Variants in PTPRD observed in about 807,000 individuals in gnomAD.
PTPRD encodes the protein protein tyrosine phosphatase receptor type D.
PTPRD carries 34 observed loss-of-function variants against 214.5 expected under a neutral mutation model. That is an observed-to-expected ratio of 0.16 (90% CI 0.12 to 0.21). The LOEUF (loss-of-function observed/expected upper bound fraction) is 0.21, where lower values mean the gene tolerates loss of function less well. Among genes scored for constraint, PTPRD ranks in the 10% least tolerant of loss-of-function variants. The probability of loss-of-function intolerance (pLI) is 1.00; values close to 1 mark genes in which losing one functional copy is unlikely to be tolerated. For synonymous variants in PTPRD, 1,128 were observed against 845.7 expected (o/e 1.33, Z -5.79); for missense variants, 2,545 against 2,398.7 (o/e 1.06, Z -1.27).
intron 10 of PTPRD, among the ~76,000 whole-genome samples, chr9:9,025,334 G>A (rs2099583440): frequency 6.6e-6 from 1 of 151,968 alleles, no homozygotes. Flanking sequence ...CTGATAAGCT[G>A]ACCAATGCTT....
intron 3 of PTPRD, among the ~76,000 whole-genome samples, chr9:10,263,204 G>A (rs934214123): frequency 2.4e-4 from 37 of 152,172 alleles, no homozygotes; most frequent in African/African-American, 8.4e-4. Context: ...GGTACCAGTA[G>A]AATAGGGTGT....
intron 12 of PTPRD, among the ~76,000 whole-genome samples, chr9:8,683,862 C>A (rs140438701): frequency 1.4e-4 from 22 of 152,286 alleles, no homozygotes; most frequent in Non-Finnish European, 2.4e-4. Context: ...TGGGCTAAGA[C>A]GTAAGGGTTC....
chr9:8,411,869 T>C (rs2093561007), intron 35 of PTPRD, among the ~76,000 whole-genome samples: 1 of 152,228 alleles, frequency 6.6e-6, no homozygotes, highest in Non-Finnish European at 1.5e-5. Context: ...AAGAATAGAA[T>C]GTGTCATTGG....
intron 23 of PTPRD, 133 bp downstream of exon 23, chr9:8,504,128 A>G (rs2097485815): frequency 4.8e-6 from 4 of 835,534 alleles, no homozygotes; most frequent in Non-Finnish European, 7.6e-6. Context: ...TTCACCTGTG[A>G]AGTGTGATGC....
rs188417976 is a variant in PTPRD, at chr9:10,603,396, A to G, written c.-600+9002T>C. 6.6e-4 allele frequency among the ~76,000 whole-genome samples: 100 copies of G among 151,992 alleles called. 1 individual carries two copies. The highest frequency in any genetic ancestry group is 2.4e-3 in the African/African-American group (98 of 41,510). ...CATTCACATTTGTGATCATTTACTT[A>G]TGATAACTTGTGCTCACTTCATTTG... On this transcript the variant is annotated intron_variant, in intron 2 of 45. Coordinates refer to ENST00000381196, the MANE Select transcript of PTPRD (RefSeq NM_002839.4).
At chr9:9,528,151 G>C (rs1308465763) in intron 8 of PTPRD, among the ~76,000 whole-genome samples, 1 of 152,206 alleles carries the variant, frequency 6.6e-6, no homozygotes, top group African/African-American at 2.4e-5. Flanking sequence ...AGAGAGAGGA[G>C]TAAGCTGCAG....
chr9:8,545,924 C>T (rs780310326), intron 14 of PTPRD, among the ~76,000 whole-genome samples: 3 of 152,172 alleles, frequency 2.0e-5, no homozygotes, highest in Non-Finnish European at 4.4e-5. Flanking sequence ...TCTAGCTAAA[C>T]GTAGAAGTGC....
chr9:8,332,205 A>G (rs746364678), intron 43 of PTPRD, among the ~76,000 whole-genome samples: 2 of 152,080 alleles, frequency 1.3e-5, no homozygotes. Context: ...TCCAGACCAG[A>G]GCTTTTGCAG....
intron 10 of PTPRD, among the ~76,000 whole-genome samples, chr9:9,034,694 C>T (rs76756890): frequency 6.6e-6 from 1 of 152,072 alleles, no homozygotes; most frequent in Non-Finnish European, 1.5e-5. Context: ...CACATCACAG[C>T]TCCCCATTTA....
chr9:9,007,811 T>TC (rs1567554474), intron 11 of PTPRD, among the ~76,000 whole-genome samples: 1 of 149,740 alleles, frequency 6.7e-6, no homozygotes, highest in East Asian at 2.0e-4. Context: ...TTTTTTTTTT[T>TC]ACACCATAAA....
At chr9:9,354,355 C>T (rs1263356738) in intron 9 of PTPRD, among the ~76,000 whole-genome samples, 1 of 151,788 alleles carries the variant, frequency 6.6e-6, no homozygotes, top group African/African-American at 2.4e-5. Context: ...AAATACATCT[C>T]AGTTCAAAGG....
At chr9:9,485,403 T>C (rs1017017829) in intron 8 of PTPRD, among the ~76,000 whole-genome samples, 1 of 152,230 alleles carries the variant, frequency 6.6e-6, no homozygotes, top group Admixed American at 6.5e-5. Flanking sequence ...TAAATCATTA[T>C]GAATATAGCA....
At chr9:8,593,982 T>C (rs189133105) in intron 14 of PTPRD, among the ~76,000 whole-genome samples, 1 of 152,346 alleles carries the variant, frequency 6.6e-6, no homozygotes, top group Admixed American at 6.5e-5. Flanking sequence ...TATTCACATA[T>C]AGTAGTTATG....
intron 2 of PTPRD, among the ~76,000 whole-genome samples, chr9:10,368,691 G>C (rs773411053): frequency 1.7e-4 from 26 of 151,988 alleles, no homozygotes; most frequent in African/African-American, 2.4e-5. Context: ...GAACTAAAAA[G>C]ACTTATGATC....
chr9:8,979,506 C>T (rs1306200010), intron 11 of PTPRD, among the ~76,000 whole-genome samples: 1 of 151,952 alleles, frequency 6.6e-6, no homozygotes, highest in Non-Finnish European at 1.5e-5. Flanking sequence ...GGACTACTAT[C>T]CAAAATTTAT....
intron 5 of PTPRD, among the ~76,000 whole-genome samples, chr9:9,781,741 G>C (rs918002613): frequency 6.6e-6 from 1 of 151,612 alleles, no homozygotes; most frequent in African/African-American, 2.4e-5. Flanking sequence ...AATCCGATTT[G>C]CTAAGTCCCA....
chr9:9,186,638 CT>C (rs2099931743), intron 9 of PTPRD, among the ~76,000 whole-genome samples: 1 of 31,396 alleles, frequency 3.2e-5, no homozygotes, highest in Non-Finnish European at 1.1e-4. Context: ...CTCCCTCTCT[CT>C]CTCTCTCTCT....
At chr9:10,477,463 T>C (rs572086676) in intron 2 of PTPRD, among the ~76,000 whole-genome samples, 5 of 152,158 alleles carry the variant, frequency 3.3e-5, no homozygotes, top group Admixed American at 1.3e-4. Flanking sequence ...ATGGTGATCA[T>C]TAAAAAGTCA....
At chr9:10,169,429 G>A (rs984108135) in intron 3 of PTPRD, among the ~76,000 whole-genome samples, 5 of 139,542 alleles carry the variant, frequency 3.6e-5, no homozygotes, top group South Asian at 2.3e-4. Flanking sequence ...AGCAGAGATC[G>A]CGCCACTGCA....
Sources: gnomAD v4.1 joint callset for allele counts (sites outside exome capture counted in the v4.1 genomes callset) on GRCh38, gnomAD v4.1.1 for gene constraint, MANE v1.5 for transcripts, NCBI Gene and HGNC (gene_info 2026-07-23, HGNC 2026-07-21) for gene names.